NLGN2: variants seen among roughly 807,000 people sequenced by gnomAD.
The protein encoded by NLGN2 is neuroligin 2.
NLGN2 carries 11 observed loss-of-function variants against 48.6 expected under a neutral mutation model. That is an observed-to-expected ratio of 0.23 (90% CI 0.14 to 0.37). The LOEUF (loss-of-function observed/expected upper bound fraction) is 0.37. Among genes scored for constraint, NLGN2 ranks in the 10% least tolerant of loss-of-function variants. NLGN2 has a pLI of 1.00. For synonymous variants in NLGN2, 548 were observed against 550.0 expected (o/e 1.00, Z 0.05); for missense variants, 801 against 1,225.2 (o/e 0.65, Z 5.17).
At chr17:7,407,152 C>A (rs1345712101), upstream of NLGN2, among the ~76,000 whole-genome samples, 1 of 152,140 alleles carries the variant, frequency 6.6e-6, no homozygotes, top group African/African-American at 2.4e-5. Flanking sequence ...CCTGAATGGA[C>A]CACCAAACCA....
intron 1 of NLGN2, among the ~76,000 whole-genome samples, chr17:7,409,234 C>T (rs1906782492): frequency 6.6e-6 from 1 of 152,082 alleles, no homozygotes. Context: ...TGTCCAGAGC[C>T]CCTTGCCTGA....
Position 7,417,527 on chromosome 17 carries a change from C to A in NLGN2, c.2236C>A (p.Gln746Lys). ...LPPEEELVSL[Q>K]LKRGGGVGAD... ...ACCAGAGGAGGAGCTGGTGTCACTG[C>A]AGCTGAAGCGGGGTGGTGGCGTCGG... is the stretch of plus-strand genomic sequence containing the variant. The change falls in exon 7 of 7, where the codon CAG becomes AAG. Residue 746 changes from glutamine (Q) to lysine (K), a missense_variant. Transcript: ENST00000302926. 6.7e-7 allele frequency: 1 copy of A among 1,488,378 alleles called. No individual in the cohort carries two copies. The highest frequency in any genetic ancestry group is 2.5e-5 in the East Asian group (1 of 39,604). 92.2% of individuals were successfully genotyped at this position (1,488,378 alleles called of 1,614,324 possible). A position where few individuals can be genotyped will look rare whatever the true frequency, so the allele number is the denominator to read the frequency against.
At chr17:7,415,192 A>G (rs778041282) in intron 5 of NLGN2, 44 bp downstream of exon 5, 2 of 1,527,896 alleles carry the variant, frequency 1.3e-6, no homozygotes, top group African/African-American at 2.7e-5. Context: ...CAAGGTTCCA[A>G]GGAGGCTGAG....
At position 7,407,914 on chromosome 17, in the gene NLGN2, C is replaced by G. The variant is rs914918599; in HGVS notation, c.-342C>G. The G allele has an allele frequency of 5.3e-6, 1 of 190,318 alleles. No individual in the cohort carries two copies. Among genetic ancestry groups the G allele is most frequent in the African/African-American group, 2.3e-5 (1 of 42,622 alleles). 11.8% of individuals were successfully genotyped at this position (190,318 alleles called of 1,614,324 possible). A position where few individuals can be genotyped will look rare whatever the true frequency, so the allele number is the denominator to read the frequency against. ...GTTTCCCCATTCCTTTCTGTCTGCC[C>G]CATCCAATTTCCCTTGCCCTCTTCC... is the stretch of plus-strand genomic sequence containing the variant. On this transcript the variant is annotated 5_prime_UTR_variant, in exon 1 of 7. Transcript: ENST00000302926.
intron 2 of NLGN2, among the ~76,000 whole-genome samples, chr17:7,414,033 G>A (rs1294820013): frequency 2.0e-5 from 3 of 152,156 alleles, no homozygotes; most frequent in Non-Finnish European, 4.4e-5. Flanking sequence ...GGTGCTGGGG[G>A]TTCCCTGGAT....
intron 2 of NLGN2, among the ~76,000 whole-genome samples, chr17:7,412,449 A>G (rs1906937634): frequency 1.3e-5 from 2 of 152,256 alleles, no homozygotes; most frequent in South Asian, 2.1e-4. Context: ...CATGGTGAAA[A>G]TAAGCTGAAA....
rs1464523834 is a variant in NLGN2, at chr17:7,413,835, C to T, written c.509-509C>T. ...AGCCCCAGGGACCCTAGGCCTGGCA[C>T]CCCTCACCCACAGACCAGGGACCCT... is the stretch of plus-strand genomic sequence containing the variant. On this transcript the variant is annotated intron_variant, in intron 2 of 6. Transcript: ENST00000302926. This position sits in a 1 kb window ranked among gnomAD's most constrained non-coding sequence, Gnocchi z 4.9. Among the ~76,000 whole-genome samples, 1 of 151,864 alleles carries T rather than the reference C, an allele frequency of 6.6e-6. No homozygotes were observed. Among genetic ancestry groups the T allele is most frequent in the South Asian group, 2.1e-4 (1 of 4,800 alleles).
At chr17:7,406,762 AG>A (rs898451537), upstream of NLGN2, among the ~76,000 whole-genome samples, 3 of 150,608 alleles carry the variant, frequency 2.0e-5, no homozygotes, top group East Asian at 3.9e-4. Context: ...CAGCAACTGT[AG>A]GGGGGGTGGC....
chr17:7,416,127 G>A lies in NLGN2; in HGVS notation c.1634+20G>A. The A allele has an allele frequency of 6.8e-7, 1 of 1,479,866 alleles. No homozygotes were observed. The highest frequency in any genetic ancestry group is 9.4e-7 in the Non-Finnish European group (1 of 1,059,118). The allele number at this position is 1,479,866 out of a possible 1,614,324, so 91.7% of individuals were successfully genotyped here. On this transcript the variant is annotated intron_variant, in intron 6 of 6. Transcript: ENST00000302926. Reference sequence around the variant, plus strand: ...GACTGGGTGAGGGCCAGAGGGGCTGGGCGGGGCTGGGCGGGGCCCTCCCTC... The same window carrying A: ...GACTGGGTGAGGGCCAGAGGGGCTGAGCGGGGCTGGGCGGGGCCCTCCCTC...
At chr17:7,412,824 A>G (rs1906953272) in intron 2 of NLGN2, among the ~76,000 whole-genome samples, 1 of 151,434 alleles carries the variant, frequency 6.6e-6, no homozygotes, top group South Asian at 2.1e-4. Context: ...TTTTTTCCCA[A>G]AATGGATCTT....
chr17:7,417,427 T>C lies in NLGN2; in HGVS notation c.2136T>C (p.Leu712=), dbSNP rs757689977. 3.3e-5 allele frequency: 53 copies of C among 1,604,222 alleles called. No individual in the cohort carries two copies. Among genetic ancestry groups the C allele is most frequent in the Non-Finnish European group, 4.1e-5 (48 of 1,176,712 alleles). ...GGCAGGAGCTGCGGTGCAGGCGGCTTAGCCCACCTGGCGGCTCAGGCTCTG... is the reference window on the plus strand; with the variant it reads ...GGCAGGAGCTGCGGTGCAGGCGGCTCAGCCCACCTGGCGGCTCAGGCTCTG... ...DRRQELRCRR[L]SPPGGSGSGV... Residue 712 remains leucine, a synonymous_variant, in exon 7 of 7, where the codon CTT becomes CTC. Transcript: ENST00000302926.
At chr17:7,414,318 C>T (rs1188897737) in intron 2 of NLGN2, 26 bp from the exon 3 acceptor site, 1 of 1,448,918 alleles carries the variant, frequency 6.9e-7, no homozygotes. Context: ...ACCCCCTGGC[C>T]CACCTGCCCA....
rs1406607255 is a variant in NLGN2, at chr17:7,411,594, T to C, written c.458-563T>C. On this transcript the variant is annotated intron_variant, in intron 1 of 6. Coordinates refer to ENST00000302926, the MANE Select transcript of NLGN2 (RefSeq NM_020795.4). The surrounding 1 kb of genome is among the most constrained non-coding windows in gnomAD (Gnocchi z 4.5). The stretch of plus-strand genomic sequence containing the variant: ...TGCCCCCCAACCCTGTCCTGCTCGC[T>C]GCCCTGCAGAGTGGTCCAGAGGGAA... Among the ~76,000 whole-genome samples, 1 of 152,216 alleles carries C rather than the reference T, an allele frequency of 6.6e-6. No individual in the cohort carries two copies. Among genetic ancestry groups the C allele is most frequent in the Non-Finnish European group, 1.5e-5 (1 of 68,026 alleles).
At chr17:7,406,176 C>T (rs556972952), upstream of NLGN2, among the ~76,000 whole-genome samples, 3 of 151,958 alleles carry the variant, frequency 2.0e-5, no homozygotes, top group South Asian at 2.1e-4. Context: ...GTAAAAAGAC[C>T]GAGGGTGAGA....
intron 2 of NLGN2, 52 bp from the exon 3 acceptor site, chr17:7,414,292 T>G (rs1907007186): frequency 1.3e-6 from 2 of 1,556,864 alleles, no homozygotes; most frequent in African/African-American, 2.8e-5. Flanking sequence ...CCGGTCTGAC[T>G]GTGTCCTTGT....
Position 7,408,296 on chromosome 17 carries a change from C to T in NLGN2, c.41C>T (p.Ala14Val). 1 of 1,352,760 alleles carries T rather than the reference C, an allele frequency of 7.4e-7. No individual in the cohort carries two copies. The highest frequency in any genetic ancestry group is 9.4e-7 in the Non-Finnish European group (1 of 1,061,474). 83.8% of individuals were successfully genotyped at this position (1,352,760 alleles called of 1,614,324 possible). The change falls in exon 1 of 7, where the codon GCT (alanine) becomes GTT (valine). Residue 14 changes from alanine (A) to valine (V), a missense_variant. Coordinates refer to ENST00000302926, the MANE Select transcript of NLGN2 (RefSeq NM_020795.4). This position sits in a 1 kb window ranked among gnomAD's most constrained non-coding sequence, Gnocchi z 7.5. ...CTGTGTCTGGTGGGGCTGGCGGGGG[C>T]TCAACGCGGGGGAGGGGGTCCCGGC... ...LALCLVGLAG[A>V]QRGGGGPGGG...
intron 4 of NLGN2, 48 bp downstream of exon 4, chr17:7,414,896 TC>T: frequency 6.2e-7 from 1 of 1,612,622 alleles, no homozygotes. Flanking sequence ...CCCTGCCAAC[TC>T]CCCCCTCTCC....
rs1005040002 is a variant in NLGN2 at position 7,417,208 on chromosome 17, C to T, written c.1917C>T (p.Gly639=). 6.4e-7 allele frequency: 1 copy of T among 1,557,432 alleles called. No homozygotes were observed. Among genetic ancestry groups the T allele is most frequent in the Non-Finnish European group, 8.7e-7 (1 of 1,153,210 alleles). ...WPPRPPAGAP[G]TRRPPPPATL... The stretch of plus-strand genomic sequence containing the variant: ...CTCGTCCCCCCGCTGGCGCCCCGGG[C>T]ACACGCCGGCCCCCGCCGCCTGCCA... Residue 639 remains glycine, a synonymous_variant, in exon 7 of 7, where the codon GGC becomes GGT. Transcript: ENST00000302926.
At chr17:7,412,779 GA>G (rs972607993) in intron 2 of NLGN2, among the ~76,000 whole-genome samples, 3 of 147,344 alleles carry the variant, frequency 2.0e-5, no homozygotes, top group Admixed American at 6.7e-5. Context: ...ACAAAATTTT[GA>G]AAAAAAAATG....
Sources: allele counts gnomAD v4.1 joint callset (sites outside exome capture counted in the v4.1 genomes callset), GRCh38; gene constraint gnomAD v4.1.1; non-coding constraint Gnocchi (gnomAD v3.1); transcripts MANE v1.5; gene names NCBI Gene and HGNC (gene_info 2026-07-23, HGNC 2026-07-21).